Variants in RNF144B observed in about 807,000 individuals in gnomAD.
The protein encoded by RNF144B is E3 ubiquitin-protein ligase RNF144B.
A neutral mutation model predicts 40.2 loss-of-function variants in RNF144B; 25 were observed. That is an observed-to-expected ratio of 0.62 (90% CI 0.45 to 0.87). The LOEUF is 0.87. RNF144B is among the 40% of genes least tolerant of loss of function. The pLI is 0.00. For synonymous variants in RNF144B, 145 were observed against 136.3 expected, an observed-to-expected ratio of 1.06 and a Z score of -0.44; for missense variants, 365 against 373.7, an observed-to-expected ratio of 0.98 and a Z score of 0.19.
intron 1 of RNF144B, chr6:18,396,760 C>A: frequency 1.0e-6 from 1 of 985,228 alleles, no homozygotes; most frequent in Non-Finnish European, 1.2e-6. Flanking sequence ...GCCATGAGCC[C>A]GGGAGTACTG....
chr6:18,430,657 AT>A (rs59026530), intron 3 of RNF144B, among the ~76,000 whole-genome samples: 87,773 of 148,078 alleles, frequency 0.59, 26,196 homozygotes, highest in East Asian at 0.82. Context: ...CTAATTTTTA[AT>A]TTTTTTTTTT....
At position 18,425,924 on chromosome 6, in the gene RNF144B, G is replaced by A. The variant is rs1403866099; in HGVS notation, c.166-1657G>A. Among the ~76,000 whole-genome samples, 1 of 152,138 alleles carries A rather than the reference G, an allele frequency of 6.6e-6. No individual in the cohort carries two copies. The highest frequency in any genetic ancestry group is 1.5e-5 in the Non-Finnish European group (1 of 68,026). On this transcript the variant is annotated intron_variant, in intron 2 of 7. Transcript: ENST00000259939. The surrounding 1 kb of genome is among the most constrained non-coding windows in gnomAD (Gnocchi z 4.2). ...TGGAGAAAAAAACTGTTAACTATTT[G>A]AAGAGATACAAGTCTGGTTTAAATG... is the stretch of plus-strand genomic sequence containing the variant.
rs938737194 is a variant in RNF144B at position 18,416,799 on chromosome 6, G to C, written c.166-10782G>C. Among the ~76,000 whole-genome samples, 2 of 152,144 alleles carry C rather than the reference G, an allele frequency of 1.3e-5. No homozygotes were observed. The highest frequency in any genetic ancestry group is 2.9e-5 in the Non-Finnish European group (2 of 68,014). Reference sequence around the variant, plus strand: ...GAAAAGAGTGATGAGGGGCATAAAAGTATCTTCCCTGATTAGAATGGAGGG... The same window carrying C: ...GAAAAGAGTGATGAGGGGCATAAAACTATCTTCCCTGATTAGAATGGAGGG... On this transcript the variant is annotated intron_variant, in intron 2 of 7. Coordinates refer to ENST00000259939, the MANE Select transcript of RNF144B (RefSeq NM_182757.4). This position sits in a 1 kb window ranked among gnomAD's most constrained non-coding sequence, Gnocchi z 5.5.
intron 2 of RNF144B, among the ~76,000 whole-genome samples, chr6:18,408,864 A>C (rs1281250355): frequency 6.6e-6 from 1 of 151,992 alleles, no homozygotes; most frequent in Non-Finnish European, 1.5e-5. Context: ...TCTAGGGAAC[A>C]CAGTTAAAGA....
At chr6:18,391,823 G>A (rs888855127) in intron 1 of RNF144B, among the ~76,000 whole-genome samples, 8 of 150,970 alleles carry the variant, frequency 5.3e-5, no homozygotes, top group South Asian at 2.1e-4. Flanking sequence ...AGCCGAGATC[G>A]GGCCACTGCA....
At position 18,418,978 on chromosome 6, in the gene RNF144B, T is replaced by TA. The variant is rs1795200246; in HGVS notation, c.166-8602dup. 6.6e-6 allele frequency among the ~76,000 whole-genome samples: 1 copy of TA among 152,130 alleles called. No homozygotes were observed. Among genetic ancestry groups the TA allele is most frequent in the African/African-American group, 2.4e-5 (1 of 41,422 alleles). On this transcript the variant is annotated intron_variant, in intron 2 of 7. Coordinates refer to ENST00000259939, the MANE Select transcript of RNF144B (RefSeq NM_182757.4). This position sits in a 1 kb window ranked among gnomAD's most constrained non-coding sequence, Gnocchi z 5.2. The stretch of plus-strand genomic sequence containing the variant: ...AATCTTTGACATGGGTCTTGGTACT[T>TA]ACAAGTGTGGTTTGTGTGCCAGTGG...
chr6:18,397,644 G>T (rs953214690), intron 1 of RNF144B, among the ~76,000 whole-genome samples: 4 of 152,106 alleles, frequency 2.6e-5, no homozygotes, highest in Non-Finnish European at 2.9e-5. Flanking sequence ...GCTGTGTGGG[G>T]AGACAAATTT....
intron 1 of RNF144B, among the ~76,000 whole-genome samples, chr6:18,389,970 A>T (rs7752879): frequency 6.6e-6 from 1 of 151,928 alleles, no homozygotes; most frequent in Non-Finnish European, 1.5e-5. Flanking sequence ...CTCTCCTCCA[A>T]GTACAATCAG....
rs116496866 is a variant in RNF144B, at chr6:18,428,304, G to C, written c.270+619G>C. On this transcript the variant is annotated intron_variant, in intron 3 of 7. Transcript: ENST00000259939. ...ATTTCTTCATAGCAGTGTGAGAATGGACACATACAGAGGCTGAATAGTGAA... is the reference window on the plus strand; with the variant it reads ...ATTTCTTCATAGCAGTGTGAGAATGCACACATACAGAGGCTGAATAGTGAA... Among the ~76,000 whole-genome samples the C allele has an allele frequency of 5.0e-3, 766 of 152,230 alleles. 3 individuals carry two copies. Among genetic ancestry groups the C allele is most frequent in the Middle Eastern group, 0.017 (5 of 294 alleles).
intron 2 of RNF144B, among the ~76,000 whole-genome samples, chr6:18,411,245 A>G (rs895466229): frequency 1.3e-4 from 20 of 151,620 alleles, no homozygotes; most frequent in African/African-American, 4.6e-4. Flanking sequence ...GGCCTCCCAA[A>G]GTGCTGGGAT....
At chr6:18,390,355 C>T (rs777888517) in intron 1 of RNF144B, among the ~76,000 whole-genome samples, 21 of 152,070 alleles carry the variant, frequency 1.4e-4, no homozygotes, top group East Asian at 1.2e-3. Context: ...TTTACCCAGT[C>T]GGTGAGTACT....
rs1758962614 is a variant in RNF144B, at chr6:18,441,402, A to G, written c.331+1658A>G. Among the ~76,000 whole-genome samples, 1 of 152,002 alleles carries G rather than the reference A, an allele frequency of 6.6e-6. No homozygotes were observed. Among genetic ancestry groups the G allele is most frequent in the Non-Finnish European group, 1.5e-5 (1 of 67,982 alleles). On this transcript the variant is annotated intron_variant, in intron 4 of 7. Coordinates refer to ENST00000259939, the MANE Select transcript of RNF144B (RefSeq NM_182757.4). The surrounding 1 kb of genome is among the most constrained non-coding windows in gnomAD (Gnocchi z 4.9). Reference sequence around the variant, plus strand: ...ATGACATATCAACCACGTCAGTCCTACTCAGTCACTGGAGCTCAGTCTATT... The same window carrying G: ...ATGACATATCAACCACGTCAGTCCTGCTCAGTCACTGGAGCTCAGTCTATT...
At position 18,459,658 on chromosome 6, in the gene RNF144B, C is replaced by A. The variant is rs1759409199; in HGVS notation, c.588C>A (p.Cys196Ter). ...CCCCCATTAAGCAGTGCCCAGTTTG[C>A]CGGGTTTATATCGAACGCAATGAAG... Reference protein sequence around the residue: ...AEAPIKQCPVCRVYIERNEGC... With the variant: ...AEAPIKQCPV Residue 196 changes from cysteine to a stop codon, truncating the protein, a stop_gained, in exon 6 of 8, where the codon TGC becomes TGA. Coordinates refer to ENST00000259939, the MANE Select transcript of RNF144B (RefSeq NM_182757.4). LOFTEE classifies it high-confidence loss of function. This position sits in a 1 kb window ranked among gnomAD's most constrained non-coding sequence, Gnocchi z 4.2. 1 of 1,613,910 alleles carries A rather than the reference C, an allele frequency of 6.2e-7. No homozygotes were observed. The highest frequency in any genetic ancestry group is 1.1e-5 in the South Asian group (1 of 91,080).
chr6:18,439,033 A>T (rs1470289244), intron 3 of RNF144B, among the ~76,000 whole-genome samples: 3 of 152,084 alleles, frequency 2.0e-5, no homozygotes. Flanking sequence ...TTAAGTGTGA[A>T]TTGTTGTTGT....
In RNF144B at chr6:18,468,044, A is replaced by G. The variant is rs1322835569; in HGVS notation, c.*2977A>G. The G allele has an allele frequency of 1.3e-5, 2 of 152,208 alleles. No homozygotes were observed. The highest frequency in any genetic ancestry group is 2.1e-4 in the South Asian group (1 of 4,830). 9.4% of individuals were successfully genotyped at this position (152,208 alleles called of 1,614,324 possible). A position where few individuals can be genotyped will look rare whatever the true frequency, so the allele number is the denominator to read the frequency against. On this transcript the variant is annotated 3_prime_UTR_variant, in exon 8 of 8. Coordinates refer to ENST00000259939, the MANE Select transcript of RNF144B (RefSeq NM_182757.4). ...CCCTTGCCTCCTTTCTTGGTCTGCC[A>G]GCTTTGTCCTTTCTGAGTGATTCTC...
In RNF144B at chr6:18,442,725, AG is replaced by A. The variant is rs1387293988; in HGVS notation, c.331+2982del. Reference sequence around the variant, plus strand: ...CTTATTCCTCCTCCCTGAAACCCCTAGTAACCTCTAATCCACTTTCTCTTAT... The same window carrying A: ...CTTATTCCTCCTCCCTGAAACCCCTATAACCTCTAATCCACTTTCTCTTAT... On this transcript the variant is annotated intron_variant, in intron 4 of 7. Coordinates refer to ENST00000259939, the MANE Select transcript of RNF144B (RefSeq NM_182757.4). The surrounding 1 kb of genome is among the most constrained non-coding windows in gnomAD (Gnocchi z 4.3). 6.6e-6 allele frequency among the ~76,000 whole-genome samples: 1 copy of A among 152,172 alleles called. No individual in the cohort carries two copies. The highest frequency in any genetic ancestry group is 2.4e-5 in the African/African-American group (1 of 41,450).
intron 4 of RNF144B, among the ~76,000 whole-genome samples, chr6:18,452,732 GT>G (rs1246470251): frequency 1.3e-5 from 2 of 151,344 alleles, no homozygotes; most frequent in Non-Finnish European, 2.9e-5. Flanking sequence ...TAACTGTTAT[GT>G]TTTTTTAATA....
chr6:18,396,148 G>A (rs1284398645), intron 1 of RNF144B, among the ~76,000 whole-genome samples: 1 of 152,112 alleles, frequency 6.6e-6, no homozygotes, highest in Admixed American at 6.6e-5. Flanking sequence ...GTTTTAAGGA[G>A]TAAAAACTTA....
intron 1 of RNF144B, among the ~76,000 whole-genome samples, chr6:18,393,099 G>A (rs561973996): frequency 8.3e-4 from 118 of 141,814 alleles, no homozygotes; most frequent in African/African-American, 2.8e-3. Context: ...CCAGCCTGGA[G>A]ACAGAGTGAG....
Sources: allele counts gnomAD v4.1 joint callset (sites outside exome capture counted in the v4.1 genomes callset), GRCh38; gene constraint gnomAD v4.1.1; non-coding constraint Gnocchi (gnomAD v3.1); transcripts MANE v1.5; gene names NCBI Gene and HGNC (gene_info 2026-07-23, HGNC 2026-07-21).